The following SMYD3 variants were observed in gnomAD, a reference collection of about 807,000 sequenced individuals.
SMYD3 encodes SET and MYND domain containing 3.
In SMYD3, 36 loss-of-function variants were observed where a neutral mutation model predicts 57.7. The observed-to-expected ratio is 0.62, with a 90% CI of 0.48 to 0.82. The LOEUF is 0.82. SMYD3 is among the 40% of genes least tolerant of loss of function. SMYD3 has a pLI of 0.00. For synonymous variants in SMYD3, 211 were observed against 195.0 expected (o/e 1.08, Z -0.68); for missense variants, 515 against 538.8 (o/e 0.96, Z 0.44).
chr1:246,311,644 C>T (rs1572366337), intron 5 of SMYD3, among the ~76,000 whole-genome samples: 1 of 152,236 alleles, frequency 6.6e-6, no homozygotes, highest in African/African-American at 2.4e-5. Flanking sequence ...GCGTGACACG[C>T]ATACACACAC....
At chr1:246,387,779 A>G (rs1558438710) in intron 1 of SMYD3, among the ~76,000 whole-genome samples, 2 of 152,266 alleles carry the variant, frequency 1.3e-5, no homozygotes, top group Non-Finnish European at 2.9e-5. Context: ...GGAAAAAATT[A>G]TATTAAAAAT....
rs181918471 is a variant in SMYD3, at chr1:246,337,685, A to C, written c.229-2211T>G. ...CAGTGTCCAGCTGAACAGGGCTCAC[A>C]CTCAGCAAAACAAGGCAGAGATAAT... On this transcript the variant is annotated intron_variant, in intron 2 of 11. Transcript: ENST00000490107. Among the ~76,000 whole-genome samples, 3 of 152,312 alleles carry C rather than the reference A, an allele frequency of 2.0e-5. No homozygotes were observed. The East Asian group carries it at 5.8e-4, about 29-fold the overall frequency.
At chr1:246,301,066 C>T (rs2064885291) in intron 5 of SMYD3, among the ~76,000 whole-genome samples, 1 of 152,126 alleles carries the variant, frequency 6.6e-6, no homozygotes, top group Non-Finnish European at 1.5e-5. Flanking sequence ...AACCCTCTGA[C>T]TGTGTGAAAA....
intron 2 of SMYD3, among the ~76,000 whole-genome samples, chr1:246,339,015 C>T (rs2065587845): frequency 7.1e-6 from 1 of 140,528 alleles, no homozygotes; most frequent in Non-Finnish European, 1.5e-5. Context: ...CGGTGGAAAA[C>T]TTGTTTATAA....
intron 1 of SMYD3, among the ~76,000 whole-genome samples, chr1:246,448,717 A>T (rs940910219): frequency 2.7e-5 from 4 of 150,406 alleles, no homozygotes; most frequent in Non-Finnish European, 5.9e-5. Flanking sequence ...AAAAAAAAAA[A>T]AAAAAAAAAA....
chr1:246,269,689 C>T (rs1382334009), intron 5 of SMYD3, among the ~76,000 whole-genome samples: 1 of 151,936 alleles, frequency 6.6e-6, no homozygotes, highest in African/African-American at 2.4e-5. Context: ...CCACCTCAGC[C>T]GTAAGCAGCC....
intron 8 of SMYD3, among the ~76,000 whole-genome samples, chr1:245,877,539 G>A (rs1161641467): frequency 6.6e-6 from 1 of 152,210 alleles, no homozygotes; most frequent in Non-Finnish European, 1.5e-5. Flanking sequence ...GAGATGACAT[G>A]AATCTGAATA....
chr1:246,114,756 G>A (rs1030889313), intron 5 of SMYD3, among the ~76,000 whole-genome samples: 2 of 152,032 alleles, frequency 1.3e-5, no homozygotes, highest in African/African-American at 2.4e-5. Context: ...TCCGTTTCCC[G>A]AGGAGCTTGG....
chr1:246,109,225 T>C (rs554985091), intron 5 of SMYD3, among the ~76,000 whole-genome samples: 1 of 152,326 alleles, frequency 6.6e-6, no homozygotes, highest in Admixed American at 6.5e-5. Context: ...GCCTATTCAG[T>C]TGGAACTGTA....
intron 10 of SMYD3, among the ~76,000 whole-genome samples, chr1:245,771,143 C>CATAT (rs1365414337): frequency 6.6e-6 from 1 of 151,708 alleles, no homozygotes; most frequent in East Asian, 1.9e-4. Context: ...TGTATATATA[C>CATAT]ATACATACAT....
chr1:246,278,727 G>A (rs1170790808), intron 5 of SMYD3, among the ~76,000 whole-genome samples: 3 of 152,308 alleles, frequency 2.0e-5, no homozygotes, highest in Middle Eastern at 3.4e-3. Flanking sequence ...CCTACATGGA[G>A]GATCCAGGTG....
At chr1:245,850,074 T>C (rs1456323669) in intron 10 of SMYD3, among the ~76,000 whole-genome samples, 1 of 152,154 alleles carries the variant, frequency 6.6e-6, no homozygotes, top group African/African-American at 2.4e-5. Context: ...GAAAAAGGAA[T>C]TGATATCCTT....
chr1:246,042,554 T>C (rs957317949), intron 5 of SMYD3, among the ~76,000 whole-genome samples: 1 of 152,218 alleles, frequency 6.6e-6, no homozygotes, highest in Non-Finnish European at 1.5e-5. Context: ...CTTCGCATTA[T>C]TAGTGAACCG....
At chr1:246,351,140 G>T (rs893181288) in intron 2 of SMYD3, among the ~76,000 whole-genome samples, 1 of 152,178 alleles carries the variant, frequency 6.6e-6, no homozygotes, top group South Asian at 2.1e-4. Context: ...AGCATAAAAT[G>T]TAAACCCAAA....
chr1:246,374,270 A>G (rs1426084026), intron 1 of SMYD3, among the ~76,000 whole-genome samples: 1 of 152,192 alleles, frequency 6.6e-6, no homozygotes, highest in Non-Finnish European at 1.5e-5. Context: ...CATATATTCC[A>G]TATTTGCAAA....
chr1:245,853,814 C>G, intron 10 of SMYD3, among the ~76,000 whole-genome samples: 1 of 152,156 alleles, frequency 6.6e-6, no homozygotes, highest in East Asian at 1.9e-4. Flanking sequence ...TGATTTGTAA[C>G]CATGGCAGGT....
chr1:245,769,727 A>G (rs1319627364), intron 10 of SMYD3, among the ~76,000 whole-genome samples: 1 of 152,220 alleles, frequency 6.6e-6, no homozygotes, highest in Non-Finnish European at 1.5e-5. Context: ...TACAAAACTG[A>G]GGTACGTATG....
chr1:245,853,725 A>G (rs868622237), intron 10 of SMYD3, among the ~76,000 whole-genome samples: 2,283 of 15,102 alleles, frequency 0.15, 58 homozygotes, highest in African/African-American at 0.21. Context: ...AAAAAAGGAG[A>G]AAAAAAAAAT....
At chr1:246,132,065 G>C (rs991826632) in intron 5 of SMYD3, among the ~76,000 whole-genome samples, 2 of 152,096 alleles carry the variant, frequency 1.3e-5, no homozygotes, top group Non-Finnish European at 2.9e-5. Context: ...CTGTTATTAA[G>C]TCCTGGAATT....
Sources: allele counts gnomAD v4.1 joint callset (sites outside exome capture counted in the v4.1 genomes callset), GRCh38; gene constraint gnomAD v4.1.1; transcripts MANE v1.5; gene names NCBI Gene and HGNC (gene_info 2026-07-23, HGNC 2026-07-21).